The following PDE4D variants were observed in gnomAD, a reference collection of about 807,000 sequenced individuals.
PDE4D encodes the protein 3',5'-cyclic-AMP phosphodiesterase 4D.
PDE4D carries 24 observed loss-of-function variants against 87.4 expected under a neutral mutation model. That is an observed-to-expected ratio of 0.27 (90% CI 0.20 to 0.39). PDE4D has a LOEUF of 0.39. Ranked by LOEUF, PDE4D falls within the 10% of genes least tolerant of loss-of-function variation. The probability of loss-of-function intolerance (pLI) is 1.00; values close to 1 mark genes in which losing one functional copy is unlikely to be tolerated. For missense variants in PDE4D, 714 were observed against 1,041.0 expected (o/e 0.69, Z 4.32); for synonymous variants, 384 against 383.2 (o/e 1.00, Z -0.02).
intron 1 of PDE4D, among the ~76,000 whole-genome samples, chr5:60,288,457 A>G (rs1033206052): frequency 1.3e-5 from 2 of 152,212 alleles, no homozygotes. Context: ...TCCCATCTTT[A>G]CAAATAACAA....
At chr5:59,321,703 G>A (rs1774750645) in intron 1 of PDE4D, among the ~76,000 whole-genome samples, 1 of 152,072 alleles carries the variant, frequency 6.6e-6, no homozygotes, top group East Asian at 1.9e-4. Context: ...TGAGTCACTG[G>A]TCACTGCTAG....
intron 1 of PDE4D, among the ~76,000 whole-genome samples, chr5:60,353,400 C>T (rs1759358054): frequency 6.6e-6 from 1 of 152,218 alleles, no homozygotes; most frequent in African/African-American, 2.4e-5. Context: ...ACCCACACTG[C>T]TAGCAAATGG....
At chr5:60,055,280 C>T (rs1235749808) in intron 2 of PDE4D, among the ~76,000 whole-genome samples, 1 of 151,994 alleles carries the variant, frequency 6.6e-6, no homozygotes, top group East Asian at 1.9e-4. Flanking sequence ...ACAAAAGCTT[C>T]AAACTTCTAG....
chr5:60,299,481 C>T (rs1753707015), intron 1 of PDE4D, among the ~76,000 whole-genome samples: 1 of 152,166 alleles, frequency 6.6e-6, no homozygotes, highest in Non-Finnish European at 1.5e-5. Flanking sequence ...GGTTGCTGCA[C>T]AGATCATCCC....
intron 5 of PDE4D, among the ~76,000 whole-genome samples, chr5:59,180,048 C>T (rs77731484): frequency 0.028 from 4,284 of 152,212 alleles, 161 homozygotes; most frequent in African/African-American, 0.085. Flanking sequence ...TAGATCCCAA[C>T]GTTTTGATCT....
At position 59,968,901 on chromosome 5, in the gene PDE4D, C is replaced by T. The variant is rs563787396; in HGVS notation, c.272+19587G>A. The stretch of plus-strand genomic sequence containing the variant: ...GTCTGGCACGTGATAATGTATTATT[C>T]TCCATTCTTCAAATTTATTATTGAC... On this transcript the variant is annotated intron_variant, in intron 3 of 16. Transcript: ENST00000502484. Among the ~76,000 whole-genome samples the T allele has an allele frequency of 3.3e-5, 5 of 151,870 alleles. No homozygotes were observed. In the South Asian group the frequency reaches 1.0e-3, roughly 32 times the overall value.
chr5:60,487,027 A>G (rs1749199508), intron 1 of PDE4D, among the ~76,000 whole-genome samples: 4 of 152,362 alleles, frequency 2.6e-5, no homozygotes, highest in East Asian at 1.9e-4. Flanking sequence ...ATTTAAAAGC[A>G]AACAGTAAAC....
chr5:60,299,041 G>T (rs906474229), intron 1 of PDE4D, among the ~76,000 whole-genome samples: 1 of 152,184 alleles, frequency 6.6e-6, no homozygotes, highest in African/African-American at 2.4e-5. Context: ...CTACTGGATT[G>T]TGTCTTCATT....
intron 2 of PDE4D, among the ~76,000 whole-genome samples, chr5:60,180,206 A>G (rs1784265347): frequency 6.6e-6 from 1 of 152,204 alleles, no homozygotes; most frequent in Admixed American, 6.5e-5. Context: ...TTTAAAGCAA[A>G]TGGTTGCTGA....
intron 1 of PDE4D, among the ~76,000 whole-genome samples, chr5:60,218,733 A>C (rs970746398): frequency 2.0e-5 from 3 of 152,088 alleles, no homozygotes; most frequent in African/African-American, 7.2e-5. Flanking sequence ...TTTGGGGACA[A>C]GATGTGACAA....
intron 1 of PDE4D, among the ~76,000 whole-genome samples, chr5:59,376,635 A>G (rs1784781142): frequency 6.6e-6 from 1 of 152,208 alleles, no homozygotes; most frequent in Admixed American, 6.5e-5. Context: ...ATTCAGTGCT[A>G]TTTTTAATAA....
At chr5:60,257,135 T>C (rs1044588431) in intron 1 of PDE4D, among the ~76,000 whole-genome samples, 6 of 148,506 alleles carry the variant, frequency 4.0e-5, no homozygotes, top group African/African-American at 1.5e-4. Flanking sequence ...CAAAAAGAAT[T>C]AAGATTTACT....
chr5:59,666,636 G>A (rs1746121833), intron 1 of PDE4D, among the ~76,000 whole-genome samples: 1 of 152,234 alleles, frequency 6.6e-6, no homozygotes, highest in African/African-American at 2.4e-5. Flanking sequence ...TCATAGGAAT[G>A]CATAGCGTGG....
intron 5 of PDE4D, among the ~76,000 whole-genome samples, chr5:59,083,103 CT>C (rs1767059255): frequency 6.6e-6 from 1 of 152,094 alleles, no homozygotes; most frequent in South Asian, 2.1e-4. Context: ...TTAAATACAT[CT>C]TTAGTTTGTC....
chr5:60,076,478 T>C, intron 2 of PDE4D, among the ~76,000 whole-genome samples: 1 of 152,264 alleles, frequency 6.6e-6, no homozygotes, highest in South Asian at 2.1e-4. Context: ...ATCTTTGAAA[T>C]TGCTGTCCTT....
chr5:59,886,174 A>C (rs1444637350), intron 1 of PDE4D, among the ~76,000 whole-genome samples: 1 of 152,242 alleles, frequency 6.6e-6, no homozygotes, highest in African/African-American at 2.4e-5. Flanking sequence ...TAATGGGGGA[A>C]ACACATAAAA....
chr5:59,600,959 A>T (rs1827419355), intron 1 of PDE4D, among the ~76,000 whole-genome samples: 1 of 152,180 alleles, frequency 6.6e-6, no homozygotes, highest in Non-Finnish European at 1.5e-5. Flanking sequence ...GGCAACAATC[A>T]CATTTCATCT....
intron 6 of PDE4D, among the ~76,000 whole-genome samples, chr5:59,008,459 TTAAG>T (rs1414142668): frequency 3.9e-5 from 6 of 151,994 alleles, no homozygotes; most frequent in Non-Finnish European, 8.8e-5. Flanking sequence ...TAAAATAATT[TTAAG>T]TAATAAAATT....
intron 1 of PDE4D, among the ~76,000 whole-genome samples, chr5:59,486,049 T>C (rs1805090824): frequency 6.6e-6 from 1 of 152,160 alleles, no homozygotes; most frequent in South Asian, 2.1e-4. Context: ...CAACTCCTTC[T>C]GATTCCTTCA....
Sources: gnomAD v4.1 joint callset for allele counts (sites outside exome capture counted in the v4.1 genomes callset) on GRCh38, gnomAD v4.1.1 for gene constraint, MANE v1.5 for transcripts, NCBI Gene and HGNC (gene_info 2026-07-23, HGNC 2026-07-21) for gene names.